Variants in CALN1 observed in about 807,000 individuals in gnomAD.
CALN1 encodes calneuron 1.
CALN1 carries 17 observed loss-of-function variants against 30.6 expected under a neutral mutation model. The ratio of observed to expected loss-of-function variants is 0.56; its 90% CI spans 0.38 to 0.83. The LOEUF is 0.83. Ranked by LOEUF, CALN1 falls within the 40% of genes least tolerant of loss-of-function variation. The pLI, the probability that CALN1 is intolerant of heterozygous loss-of-function variation, is 0.00. For synonymous variants in CALN1, 156 were observed against 131.4 expected (o/e 1.19, Z -1.28); for missense variants, 291 against 354.9 (o/e 0.82, Z 1.45).
chr7:72,205,263 T>C (rs952280088), intron 3 of CALN1, among the ~76,000 whole-genome samples: 2 of 151,942 alleles, frequency 1.3e-5, no homozygotes, highest in East Asian at 1.9e-4. Flanking sequence ...AGTGCAGTAG[T>C]GTGATCTCAG....
At chr7:72,269,204 A>C (rs1361622908) in intron 3 of CALN1, among the ~76,000 whole-genome samples, 1 of 152,148 alleles carries the variant, frequency 6.6e-6, no homozygotes, top group East Asian at 1.9e-4. Flanking sequence ...ATGCAAGGTG[A>C]GATTTTATTT....
At chr7:72,321,638 T>C (rs541849131) in intron 2 of CALN1, among the ~76,000 whole-genome samples, 21 of 152,234 alleles carry the variant, frequency 1.4e-4, no homozygotes, top group African/African-American at 5.1e-4. Flanking sequence ...TAAGCTTCTG[T>C]GTAGTTAACT....
chr7:72,314,386 C>G (rs564019525), intron 2 of CALN1, among the ~76,000 whole-genome samples: 2 of 143,530 alleles, frequency 1.4e-5, no homozygotes, highest in South Asian at 4.4e-4. Context: ...CATATATACA[C>G]ATATATATAC....
intron 6 of CALN1, among the ~76,000 whole-genome samples, chr7:71,798,569 G>A (rs1787101770): frequency 2.0e-5 from 3 of 150,546 alleles, no homozygotes; most frequent in South Asian, 4.2e-4. Flanking sequence ...GCCTCCCAAA[G>A]TGTTTGGATT....
intron 2 of CALN1, among the ~76,000 whole-genome samples, chr7:72,326,871 T>C (rs1427006307): frequency 6.6e-6 from 1 of 152,092 alleles, no homozygotes; most frequent in Non-Finnish European, 1.5e-5. Context: ...TCTGACTGAG[T>C]CTCCCCATCT....
chr7:72,380,917 C>T (rs1291132618), intron 2 of CALN1, among the ~76,000 whole-genome samples: 1 of 152,100 alleles, frequency 6.6e-6, no homozygotes, highest in Non-Finnish European at 1.5e-5. Flanking sequence ...AAGACATGGC[C>T]TTTGTGAGAC....
rs931152777 is a variant in CALN1, at chr7:72,092,884, G to A, written c.388+13267C>T. On this transcript the variant is annotated intron_variant, in intron 4 of 6. Transcript: ENST00000395275. Reference sequence around the variant, plus strand: ...CCTTAGCTAACATGGAAGGAGAGACGGGCTGGAGTCTCTTTCTGCCACAAC... The same window carrying A: ...CCTTAGCTAACATGGAAGGAGAGACAGGCTGGAGTCTCTTTCTGCCACAAC... Among the ~76,000 whole-genome samples the A allele has an allele frequency of 5.9e-5, 9 of 152,212 alleles. No individual in the cohort carries two copies. The East Asian group carries it at 7.7e-4, about 13-fold the overall frequency.
intron 1 of CALN1, among the ~76,000 whole-genome samples, chr7:72,404,636 T>C (rs1010468599): frequency 1.3e-5 from 2 of 152,142 alleles, no homozygotes; most frequent in Non-Finnish European, 2.9e-5. Context: ...CCCCTGAACA[T>C]TGTATCCTGG....
At chr7:72,202,460 A>C (rs1791509354) in intron 3 of CALN1, among the ~76,000 whole-genome samples, 1 of 152,256 alleles carries the variant, frequency 6.6e-6, no homozygotes, top group Admixed American at 6.5e-5. Context: ...AGAGATCCTC[A>C]CATAGACATA....
intron 4 of CALN1, among the ~76,000 whole-genome samples, chr7:72,078,732 T>C (rs1031396627): frequency 1.2e-4 from 18 of 152,072 alleles, no homozygotes; most frequent in African/African-American, 4.3e-4. Flanking sequence ...GGTCAGGAGA[T>C]GAAGACCAGC....
intron 5 of CALN1, among the ~76,000 whole-genome samples, chr7:71,930,485 T>C (rs1234998811): frequency 6.6e-6 from 1 of 152,232 alleles, no homozygotes; most frequent in Non-Finnish European, 1.5e-5. Context: ...AGCTATATGA[T>C]TTGCAAATAT....
At chr7:72,158,841 G>GATTT (rs918138681) in intron 3 of CALN1, among the ~76,000 whole-genome samples, 7 of 151,944 alleles carry the variant, frequency 4.6e-5, no homozygotes, top group Admixed American at 1.3e-4. Context: ...TATTATGTGA[G>GATTT]ATTTATTTAT....
At chr7:71,882,380 C>A (rs1792624506) in intron 5 of CALN1, among the ~76,000 whole-genome samples, 1 of 152,190 alleles carries the variant, frequency 6.6e-6, no homozygotes, top group Non-Finnish European at 1.5e-5. Flanking sequence ...CTTCTCAAGG[C>A]CTTTAATCAC....
At chr7:71,838,494 T>A (rs1584339139) in intron 5 of CALN1, among the ~76,000 whole-genome samples, 1 of 152,130 alleles carries the variant, frequency 6.6e-6, no homozygotes, top group East Asian at 1.9e-4. Context: ...GGCACAATCA[T>A]AGCTTGAGCC....
intron 3 of CALN1, among the ~76,000 whole-genome samples, chr7:72,130,657 T>A (rs1809077582): frequency 6.6e-6 from 1 of 152,040 alleles, no homozygotes; most frequent in African/African-American, 2.4e-5. Context: ...CAGGTGATGG[T>A]GATAAGGAGG....
At chr7:71,910,286 G>C (rs987036635) in intron 5 of CALN1, among the ~76,000 whole-genome samples, 1 of 152,170 alleles carries the variant, frequency 6.6e-6, no homozygotes, top group Admixed American at 6.6e-5. Context: ...CCACACAGCA[G>C]CTCTTAAAGG....
At chr7:71,813,862 C>T (rs932829576) in intron 5 of CALN1, among the ~76,000 whole-genome samples, 49 of 142,376 alleles carry the variant, frequency 3.4e-4, no homozygotes, top group Non-Finnish European at 6.2e-4. Flanking sequence ...ACACGGGAGG[C>T]GGAGCTTGCA....
At chr7:72,148,110 A>AC (rs1259876167) in intron 3 of CALN1, among the ~76,000 whole-genome samples, 1 of 150,466 alleles carries the variant, frequency 6.6e-6, no homozygotes, top group Admixed American at 6.6e-5. Flanking sequence ...ATAAAAAAAA[A>AC]AAACAACCAA....
chr7:71,998,027 G>T (rs1799338124), intron 5 of CALN1, among the ~76,000 whole-genome samples: 1 of 151,860 alleles, frequency 6.6e-6, no homozygotes, highest in Non-Finnish European at 1.5e-5. Flanking sequence ...CACCATCTTG[G>T]CCAGGCTGGT....
Sources: gnomAD v4.1 joint callset for allele counts (sites outside exome capture counted in the v4.1 genomes callset) on GRCh38, gnomAD v4.1.1 for gene constraint, MANE v1.5 for transcripts, NCBI Gene and HGNC (gene_info 2026-07-23, HGNC 2026-07-21) for gene names.